The following DLG2 variants were observed in gnomAD, a reference collection of about 807,000 sequenced individuals.
DLG2 encodes disks large homolog 2.
DLG2 carries 45 observed loss-of-function variants against 132.5 expected under a neutral mutation model. That is an observed-to-expected ratio of 0.34 (90% CI 0.27 to 0.44). The LOEUF is 0.44. Among genes scored for constraint, DLG2 ranks in the 20% least tolerant of loss-of-function variants. The pLI, the probability that DLG2 is intolerant of heterozygous loss-of-function variation, is 1.00. For synonymous variants in DLG2, 424 were observed against 419.6 expected, an observed-to-expected ratio of 1.01 and a Z score of -0.13; for missense variants, 1,045 against 1,196.9, an observed-to-expected ratio of 0.87 and a Z score of 1.87.
At chr11:83,715,564 A>G (rs570006931) in intron 18 of DLG2, among the ~76,000 whole-genome samples, 5 of 152,168 alleles carry the variant, frequency 3.3e-5, no homozygotes, top group Non-Finnish European at 7.3e-5. Context: ...TCCTTTGTTC[A>G]CTGCAGAGAG....
chr11:85,018,978 T>C (rs145421780), intron 6 of DLG2, among the ~76,000 whole-genome samples: 2 of 152,284 alleles, frequency 1.3e-5, no homozygotes, highest in African/African-American at 4.8e-5. Flanking sequence ...CAGAAATACA[T>C]TGTAACATTT....
chr11:84,877,512 C>CTTTTTTTTTTTT (rs60339036), intron 6 of DLG2, among the ~76,000 whole-genome samples: 67 of 57,442 alleles, frequency 1.2e-3, no homozygotes, highest in Admixed American at 1.7e-3. Context: ...GCAACCCCTG[C>CTTTTTTTTTTTT]TTTTTTTTTT....
intron 6 of DLG2, among the ~76,000 whole-genome samples, chr11:85,097,994 T>G (rs1455561009): frequency 6.6e-6 from 1 of 152,214 alleles, no homozygotes; most frequent in Non-Finnish European, 1.5e-5. Context: ...AGCCATTCTT[T>G]AAAAATAAGC....
chr11:83,982,980 C>T (rs997943116), intron 11 of DLG2, among the ~76,000 whole-genome samples: 40 of 152,220 alleles, frequency 2.6e-4, no homozygotes, highest in African/African-American at 8.7e-4. Context: ...ATAGCCTAGG[C>T]TTGTAGTAGT....
chr11:84,501,911 A>G (rs529286486), intron 7 of DLG2, among the ~76,000 whole-genome samples: 1 of 152,218 alleles, frequency 6.6e-6, no homozygotes, highest in South Asian at 2.1e-4. Flanking sequence ...GATGCCCAGA[A>G]GACTTCTAGT....
chr11:84,384,117 A>G (rs1312177922), intron 7 of DLG2, among the ~76,000 whole-genome samples: 1 of 149,880 alleles, frequency 6.7e-6, no homozygotes, highest in Non-Finnish European at 1.5e-5. Context: ...TTGCAATGAG[A>G]AAATAATTTT....
intron 6 of DLG2, among the ~76,000 whole-genome samples, chr11:85,046,250 G>A (rs1047777147): frequency 6.6e-6 from 1 of 151,972 alleles, no homozygotes; most frequent in Non-Finnish European, 1.5e-5. Flanking sequence ...CAGGAGCTTT[G>A]GGTGGAGATC....
rs545559247 is a variant in DLG2, at chr11:84,518,417, G to A, written c.519+16153C>T. 1.1e-4 allele frequency among the ~76,000 whole-genome samples: 16 copies of A among 152,094 alleles called. No individual in the cohort carries two copies. The South Asian group carries it at 2.7e-3, about 26-fold the overall frequency. ...AGACAGTTAATATAAAGAAAATGCC[G>A]AATGATATACCTAGACACAAAATAT... is the stretch of plus-strand genomic sequence containing the variant. On this transcript the variant is annotated intron_variant, in intron 7 of 27. Coordinates refer to ENST00000376104, the MANE Select transcript of DLG2 (RefSeq NM_001142699.3).
intron 3 of DLG2, among the ~76,000 whole-genome samples, chr11:85,308,155 AAAAATAAAATAAAATAAAAT>A (rs747745832): frequency 8.3e-5 from 4 of 47,928 alleles, no homozygotes; most frequent in Admixed American, 7.1e-4. Context: ...CTCTGTCTCA[AAAAATAAAATAAAATAAAAT>A]AAAATAAAAT....
At position 84,689,557 on chromosome 11, in the gene DLG2, T is replaced by C. The variant is rs191371717; in HGVS notation, c.358-154826A>G. Among the ~76,000 whole-genome samples, 110 of 152,240 alleles carry C rather than the reference T, an allele frequency of 7.2e-4. No homozygotes were observed. The East Asian group carries it at 0.02, about 28-fold the overall frequency. On this transcript the variant is annotated intron_variant, in intron 6 of 27. Coordinates refer to ENST00000376104, the MANE Select transcript of DLG2 (RefSeq NM_001142699.3). ...TTTATTATGCATTTAAATAGTTAAC[T>C]ACTTCAGTTTGAGCACTATTGACAT... is the stretch of plus-strand genomic sequence containing the variant.
At chr11:83,652,498 G>T (rs2070878754) in intron 18 of DLG2, among the ~76,000 whole-genome samples, 1 of 152,128 alleles carries the variant, frequency 6.6e-6, no homozygotes, top group Admixed American at 6.5e-5. Flanking sequence ...AGCCTCCCAA[G>T]TAGCTGGAAT....
At chr11:84,782,674 T>C (rs1024349340) in intron 6 of DLG2, among the ~76,000 whole-genome samples, 6 of 152,174 alleles carry the variant, frequency 3.9e-5, no homozygotes, top group Non-Finnish European at 8.8e-5. Flanking sequence ...ATCTCAGGTT[T>C]CTCACTGTTT....
At chr11:84,306,713 C>G (rs76192591) in intron 7 of DLG2, among the ~76,000 whole-genome samples, 14,232 of 152,236 alleles carry the variant, frequency 0.093, 731 homozygotes, top group Non-Finnish European at 0.1. Flanking sequence ...CACAGGGTGT[C>G]TAGCATCCCT....
At position 85,139,411 on chromosome 11, in the gene DLG2, G is replaced by A. The variant is rs148666877; in HGVS notation, c.282+15145C>T. ...AATGCAAGATCTTTAACATAGTTTG[G>A]TTTCTAAGGATCTGATTTACACTAA... On this transcript the variant is annotated intron_variant, in intron 5 of 27. Transcript: ENST00000376104. Among the ~76,000 whole-genome samples the A allele has an allele frequency of 5.2e-3, 795 of 152,132 alleles. 2 individuals carry two copies. The highest frequency in any genetic ancestry group is 7.9e-3 in the Non-Finnish European group (535 of 67,964).
At chr11:84,861,640 C>CAA (rs1248486704) in intron 6 of DLG2, among the ~76,000 whole-genome samples, 1 of 75,652 alleles carries the variant, frequency 1.3e-5, no homozygotes, top group East Asian at 3.3e-4. Flanking sequence ...AAAAAAAAAA[C>CAA]AAAAAAAAAA....
chr11:84,217,564 G>A (rs527279454), intron 8 of DLG2, among the ~76,000 whole-genome samples: 1 of 152,148 alleles, frequency 6.6e-6, no homozygotes, highest in South Asian at 2.1e-4. Flanking sequence ...TCATGAAAAT[G>A]GACTAATACA....
intron 16 of DLG2, among the ~76,000 whole-genome samples, 193 bp from the exon 17 acceptor site, chr11:83,833,963 A>G (rs1040124391): frequency 6.6e-6 from 1 of 152,250 alleles, no homozygotes; most frequent in African/African-American, 2.4e-5. Context: ...TGCAACAACT[A>G]CCAAAATACC....
intron 7 of DLG2, among the ~76,000 whole-genome samples, chr11:84,420,915 G>A (rs529985276): frequency 1.4e-4 from 22 of 151,792 alleles, no homozygotes; most frequent in South Asian, 8.3e-4. Context: ...TGATCTGCCC[G>A]CCTCGGCCTC....
intron 21 of DLG2, among the ~76,000 whole-genome samples, chr11:83,489,818 T>C (rs2093735474): frequency 6.6e-6 from 1 of 151,878 alleles, no homozygotes; most frequent in Non-Finnish European, 1.5e-5. Flanking sequence ...GTGTGTGCTG[T>C]AGGGTTGAGT....
Sources: allele counts gnomAD v4.1 joint callset (sites outside exome capture counted in the v4.1 genomes callset), GRCh38; gene constraint gnomAD v4.1.1; transcripts MANE v1.5; gene names NCBI Gene and HGNC (gene_info 2026-07-23, HGNC 2026-07-21).